The following CELF5 variants were observed in gnomAD, a reference collection of about 807,000 sequenced individuals.
CELF5 encodes the protein CUG-BP and ETR-3 like factor 5.
In CELF5, 6 loss-of-function variants were observed where a neutral mutation model predicts 54.9. The ratio of observed to expected loss-of-function variants is 0.11; its 90% CI spans 0.06 to 0.22. The LOEUF (loss-of-function observed/expected upper bound fraction) is 0.22, where lower values mean the gene tolerates loss of function less well. CELF5 is among the 10% of genes least tolerant of loss of function. The pLI is 1.00. For missense variants in CELF5, 401 were observed against 678.6 expected, an observed-to-expected ratio of 0.59 and a Z score of 4.54; for synonymous variants, 271 against 290.9, an observed-to-expected ratio of 0.93 and a Z score of 0.70.
At chr19:3,274,814 C>T (rs367964348) in intron 3 of CELF5, among the ~76,000 whole-genome samples, 1 of 151,984 alleles carries the variant, frequency 6.6e-6, no homozygotes, top group South Asian at 2.1e-4. Flanking sequence ...GATGGGAGCC[C>T]CTTTCACACT....
chr19:3,278,889 G>A lies in CELF5; in HGVS notation c.603+779G>A, dbSNP rs1348047022. Among the ~76,000 whole-genome samples the A allele has an allele frequency of 6.6e-6, 1 of 152,178 alleles. No individual in the cohort carries two copies. The highest frequency in any genetic ancestry group is 1.9e-4 in the East Asian group (1 of 5,200). On this transcript the variant is annotated intron_variant, in intron 5 of 12. Coordinates refer to ENST00000292672, the MANE Select transcript of CELF5 (RefSeq NM_021938.4). The surrounding 1 kb of genome is among the most constrained non-coding windows in gnomAD (Gnocchi z 4.5). ...AGGCCAGGAGAGGCCCTGACAAAAAGAAAGGCTGGGAGGTGGCAACAGGTA... is the reference window on the plus strand; with the variant it reads ...AGGCCAGGAGAGGCCCTGACAAAAAAAAAGGCTGGGAGGTGGCAACAGGTA...
intron 10 of CELF5, among the ~76,000 whole-genome samples, chr19:3,289,557 C>A (rs2080307816): frequency 6.6e-6 from 1 of 151,706 alleles, no homozygotes; most frequent in African/African-American, 2.4e-5. Flanking sequence ...TGGTGGGCAC[C>A]TGTAGTCCCA....
intron 2 of CELF5, among the ~76,000 whole-genome samples, chr19:3,257,779 AT>A (rs34573776): frequency 3.2e-5 from 4 of 123,780 alleles, no homozygotes; most frequent in African/African-American, 6.2e-5. Flanking sequence ...CCCAGCCTCC[AT>A]TTTTTTTTAT....
chr19:3,253,812 C>G (rs376750630), intron 2 of CELF5, among the ~76,000 whole-genome samples: 1 of 143,982 alleles, frequency 6.9e-6, no homozygotes, highest in Non-Finnish European at 1.5e-5. Flanking sequence ...GGCATCAGGT[C>G]CTGGGGGAAG....
chr19:3,251,669 T>TG lies in CELF5; in HGVS notation c.342+602_342+603insG, dbSNP rs1347651623. ...AAGGGCTTCTTTTTTTTTTTTTTTT[T>TG]TTTTTGTTGTTGTTGTTGTTGTTGA... On this transcript the variant is annotated intron_variant, in intron 2 of 12. Transcript: ENST00000292672. Among the ~76,000 whole-genome samples the TG allele has an allele frequency of 4.9e-3, 677 of 138,054 alleles. 3 individuals carry two copies. The highest frequency in any genetic ancestry group is 0.015 in the African/African-American group (588 of 38,038). 90.6% of individuals were successfully genotyped at this position (138,054 alleles called of 152,430 possible).
At position 3,278,191 on chromosome 19, in the gene CELF5, T is replaced by C. The variant is rs2080087875; in HGVS notation, c.603+81T>C. 1.0e-6 allele frequency: 1 copy of C among 987,476 alleles called. No homozygotes were observed. Among genetic ancestry groups the C allele is most frequent in the Non-Finnish European group, 1.5e-6 (1 of 655,906 alleles). The allele number at this position is 987,476 out of a possible 1,614,324, so 61.2% of individuals were successfully genotyped here. A position where few individuals can be genotyped will look rare whatever the true frequency, so the allele number is the denominator to read the frequency against. On this transcript the variant is annotated intron_variant, in intron 5 of 12. Coordinates refer to ENST00000292672, the MANE Select transcript of CELF5 (RefSeq NM_021938.4). This position sits in a 1 kb window ranked among gnomAD's most constrained non-coding sequence, Gnocchi z 4.5. Reference sequence around the variant, plus strand: ...ACAGGGATGAAACAGGCCATATTCCTACCGTCGCTGTCATCCGGTAGCCCC... The same window carrying C: ...ACAGGGATGAAACAGGCCATATTCCCACCGTCGCTGTCATCCGGTAGCCCC...
intron 1 of CELF5, among the ~76,000 whole-genome samples, chr19:3,250,466 G>T (rs1175124355): frequency 1.3e-5 from 2 of 152,332 alleles, no homozygotes; most frequent in Non-Finnish European, 2.9e-5. Context: ...TCCAGCCTGG[G>T]TGACAGAGCC....
At chr19:3,242,408 T>G (rs958200225) in intron 1 of CELF5, among the ~76,000 whole-genome samples, 1 of 151,968 alleles carries the variant, frequency 6.6e-6, no homozygotes, top group Non-Finnish European at 1.5e-5. Context: ...CAGTGACTCA[T>G]GCCTGTAATC....
At chr19:3,261,641 G>C (rs184725038) in intron 2 of CELF5, among the ~76,000 whole-genome samples, 2 of 151,706 alleles carry the variant, frequency 1.3e-5, no homozygotes, top group East Asian at 3.9e-4. Context: ...GCAACATAGA[G>C]AGATCCCATC....
chr19:3,227,728 T>C (rs1917004051), intron 1 of CELF5, among the ~76,000 whole-genome samples: 2 of 152,060 alleles, frequency 1.3e-5, no homozygotes, highest in South Asian at 4.1e-4. Context: ...AGCGCATTTC[T>C]GGGAAACTGA....
chr19:3,235,343 C>G (rs1283987471), intron 1 of CELF5, among the ~76,000 whole-genome samples: 1 of 151,684 alleles, frequency 6.6e-6, no homozygotes, highest in Non-Finnish European at 1.5e-5. Flanking sequence ...ATGAAGACCT[C>G]TAACATACTA....
At chr19:3,294,190 A>AT (rs1030334619) in intron 12 of CELF5, 1 of 152,084 alleles carries the variant, frequency 6.6e-6, no homozygotes, top group African/African-American at 2.4e-5. Context: ...CTTTCTCAAC[A>AT]TTTTTTTGTG....
At position 3,278,293 on chromosome 19, in the gene CELF5, G is replaced by A. The variant is rs915531831; in HGVS notation, c.603+183G>A. Among the ~76,000 whole-genome samples, 1 of 152,190 alleles carries A rather than the reference G, an allele frequency of 6.6e-6. No individual in the cohort carries two copies. The highest frequency in any genetic ancestry group is 2.4e-5 in the African/African-American group (1 of 41,440). The stretch of plus-strand genomic sequence containing the variant: ...TGTGGTCCCTGGAGTGGGTATACAC[G>A]TGTGAGTGTGTGCAGATGTGGAGGT... On this transcript the variant is annotated intron_variant, in intron 5 of 12. Coordinates refer to ENST00000292672, the MANE Select transcript of CELF5 (RefSeq NM_021938.4). This position sits in a 1 kb window ranked among gnomAD's most constrained non-coding sequence, Gnocchi z 4.5.
In CELF5 at chr19:3,289,681, C is replaced by CAAAAAAA. The variant is rs35144942; in HGVS notation, c.1187-522_1187-516dup. ...TGGGCGACAGAGCGAGACTCCATCTCAAAAAAAAAAAAAAAAAAAAAAAAA... is the reference window on the plus strand; with the variant it reads ...TGGGCGACAGAGCGAGACTCCATCTCAAAAAAAAAAAAAAAAAAAAAAAAAAAAAAAA... On this transcript the variant is annotated intron_variant, in intron 10 of 12. Transcript: ENST00000292672. Among the ~76,000 whole-genome samples, 434 of 47,138 alleles carry CAAAAAAA rather than the reference C, an allele frequency of 9.2e-3. 65 individuals are homozygous for CAAAAAAA. The highest frequency in any genetic ancestry group is 0.012 in the Non-Finnish European group (359 of 29,030). 30.9% of individuals were successfully genotyped at this position (47,138 alleles called of 152,430 possible). A position where few individuals can be genotyped will look rare whatever the true frequency, so the allele number is the denominator to read the frequency against.
At chr19:3,283,028 A>G (rs1021450401) in intron 8 of CELF5, among the ~76,000 whole-genome samples, 3 of 152,092 alleles carry the variant, frequency 2.0e-5, no homozygotes, top group Non-Finnish European at 4.4e-5. Flanking sequence ...ATGGGGTTTC[A>G]CCATGTTGGC....
chr19:3,241,023 G>T (rs1195589078), intron 1 of CELF5, among the ~76,000 whole-genome samples: 2 of 151,772 alleles, frequency 1.3e-5, no homozygotes, highest in Admixed American at 1.3e-4. Context: ...GGTCTCGAGA[G>T]ATTTGTGTGC....
chr19:3,255,554 T>G (rs1229780296), intron 2 of CELF5, among the ~76,000 whole-genome samples: 2 of 152,088 alleles, frequency 1.3e-5, no homozygotes, highest in East Asian at 3.9e-4. Flanking sequence ...TCCTCCCTCC[T>G]CCTCGCCCCC....
rs142232827 is a variant in CELF5, at chr19:3,271,586, A to G, written c.343-2286A>G. 9.0e-3 allele frequency among the ~76,000 whole-genome samples: 1,372 copies of G among 152,178 alleles called. 22 individuals are homozygous for G. Among genetic ancestry groups the G allele is most frequent in the African/African-American group, 0.031 (1,293 of 41,490 alleles). ...ACTGAGTTCAAATTGAGGAAAGCAT[A>G]TGTGCCCGGGACATACACTCAGGAA... On this transcript the variant is annotated intron_variant, in intron 2 of 12. Transcript: ENST00000292672.
chr19:3,257,781 TTTTTTTTA>T (rs1354919193), intron 2 of CELF5, among the ~76,000 whole-genome samples: 5,636 of 91,806 alleles, frequency 0.061, 268 homozygotes, highest in East Asian at 0.13. Context: ...CAGCCTCCAT[TTTTTTTTA>T]TTTATTTATT....
Sources: allele counts gnomAD v4.1 joint callset (sites outside exome capture counted in the v4.1 genomes callset), GRCh38; gene constraint gnomAD v4.1.1; non-coding constraint Gnocchi (gnomAD v3.1); transcripts MANE v1.5; gene names NCBI Gene and HGNC (gene_info 2026-07-23, HGNC 2026-07-21).